DAG1: variants seen among roughly 807,000 people sequenced by gnomAD.
DAG1 encodes dystroglycan 1 (dystrophin-associated glycoprotein 1).
DAG1 carries 8 observed loss-of-function variants against 46.1 expected under a neutral mutation model. That is an observed-to-expected ratio of 0.17 (90% CI 0.10 to 0.31). The LOEUF is 0.31. Among genes scored for constraint, DAG1 ranks in the 10% least tolerant of loss-of-function variants. The pLI, the probability that DAG1 is intolerant of heterozygous loss-of-function variation, is 1.00. For missense variants in DAG1, 1,003 were observed against 1,189.9 expected, an observed-to-expected ratio of 0.84 and a Z score of 2.31; for synonymous variants, 495 against 481.8, an observed-to-expected ratio of 1.03 and a Z score of -0.36.
intron 1 of DAG1, among the ~76,000 whole-genome samples, chr3:49,486,697 T>C (rs1025464275): frequency 6.6e-6 from 1 of 151,816 alleles, no homozygotes; most frequent in Non-Finnish European, 1.5e-5. Flanking sequence ...GAGACAGGGT[T>C]TCACCCTGTT....
At chr3:49,490,040 C>T (rs1293578063) in intron 1 of DAG1, among the ~76,000 whole-genome samples, 2 of 152,184 alleles carry the variant, frequency 1.3e-5, no homozygotes, top group Non-Finnish European at 2.9e-5. Flanking sequence ...GACCCGTGTT[C>T]CTTTCTCTTA....
At chr3:49,471,238 G>T (rs1013051553) in intron 1 of DAG1, among the ~76,000 whole-genome samples, 7 of 152,150 alleles carry the variant, frequency 4.6e-5, no homozygotes, top group African/African-American at 1.4e-4. Context: ...TAAGATTCTA[G>T]CCTGCTGCTT....
chr3:49,486,920 C>G (rs547606535), intron 1 of DAG1, among the ~76,000 whole-genome samples: 1 of 151,974 alleles, frequency 6.6e-6, no homozygotes, highest in Non-Finnish European at 1.5e-5. Context: ...GATTCAGTCT[C>G]GCTCTGTTGC....
chr3:49,505,279 G>T (rs1022418897), intron 1 of DAG1, among the ~76,000 whole-genome samples: 1 of 151,776 alleles, frequency 6.6e-6, no homozygotes, highest in Non-Finnish European at 1.5e-5. Context: ...ACTGCACCCC[G>T]CCCTTATTTT....
chr3:49,473,918 C>T (rs974593803), intron 1 of DAG1, among the ~76,000 whole-genome samples: 14 of 149,326 alleles, frequency 9.4e-5, no homozygotes, highest in Non-Finnish European at 1.6e-4. Context: ...GAGTCTCACT[C>T]TGTTATCCAG....
chr3:49,474,059 T>C (rs537188632), intron 1 of DAG1, among the ~76,000 whole-genome samples: 3 of 151,916 alleles, frequency 2.0e-5, no homozygotes, highest in Non-Finnish European at 2.9e-5. Flanking sequence ...GGCTAATATA[T>C]GTATATATTT....
intron 2 of DAG1, among the ~76,000 whole-genome samples, chr3:49,522,074 G>T (rs1175405719): frequency 6.6e-6 from 1 of 151,286 alleles, no homozygotes; most frequent in Non-Finnish European, 1.5e-5. Flanking sequence ...TTGTCCCCCA[G>T]GCTGGAGTGC....
At chr3:49,491,622 G>A (rs1012436828) in intron 1 of DAG1, among the ~76,000 whole-genome samples, 1 of 151,736 alleles carries the variant, frequency 6.6e-6, no homozygotes, top group African/African-American at 2.4e-5. Flanking sequence ...GACTGCAGGC[G>A]TCCGCCAACA....
intron 1 of DAG1, among the ~76,000 whole-genome samples, chr3:49,508,658 C>T (rs1367044005): frequency 6.6e-6 from 1 of 152,068 alleles, no homozygotes; most frequent in Non-Finnish European, 1.5e-5. Flanking sequence ...CCTTGGCCTC[C>T]CAAAGTGCTA....
At chr3:49,514,438 A>G (rs2050841014) in intron 2 of DAG1, among the ~76,000 whole-genome samples, 1 of 152,132 alleles carries the variant, frequency 6.6e-6, no homozygotes, top group Non-Finnish European at 1.5e-5. Context: ...GTCTTAACAT[A>G]TTAGACAGAC....
intron 1 of DAG1, chr3:49,492,691 T>C (rs1244153648): frequency 6.6e-6 from 1 of 152,146 alleles, no homozygotes; most frequent in Non-Finnish European, 1.5e-5. Context: ...AGATCTTCCA[T>C]CTTATCAAAA....
chr3:49,530,687 A>C, intron 2 of DAG1, 110 bp from the exon 3 acceptor site: 1 of 1,503,204 alleles, frequency 6.7e-7, no homozygotes, highest in East Asian at 2.3e-5. Context: ...CCCAGCAGGC[A>C]TTCTGAATTA....
At chr3:49,528,908 T>A (rs1243430996) in intron 2 of DAG1, among the ~76,000 whole-genome samples, 5 of 151,642 alleles carry the variant, frequency 3.3e-5, no homozygotes, top group Admixed American at 3.3e-4. Context: ...TGGGTTGCAG[T>A]GGCGTGATCT....
chr3:49,517,443 C>T (rs923672679), intron 2 of DAG1, among the ~76,000 whole-genome samples: 3 of 152,138 alleles, frequency 2.0e-5, no homozygotes, highest in Non-Finnish European at 4.4e-5. Flanking sequence ...TGTCTGTTAC[C>T]GTGCCTCTGA....
chr3:49,527,214 A>AC (rs2107849638), intron 2 of DAG1, among the ~76,000 whole-genome samples: 1 of 150,074 alleles, frequency 6.7e-6, no homozygotes, highest in African/African-American at 2.5e-5. Flanking sequence ...ACACAGTGAA[A>AC]CCCCGTCTCT....
intron 1 of DAG1, among the ~76,000 whole-genome samples, chr3:49,505,693 C>A (rs138468226): frequency 6.6e-6 from 1 of 151,698 alleles, no homozygotes; most frequent in African/African-American, 2.4e-5. Flanking sequence ...TTTTTTGAGA[C>A]GGAGTTTCGC....
intron 2 of DAG1, among the ~76,000 whole-genome samples, chr3:49,522,673 C>T (rs1461828533): frequency 1.3e-5 from 2 of 152,106 alleles, no homozygotes; most frequent in Admixed American, 6.6e-5. Context: ...TTGGGATGCA[C>T]TTTGTGGGTC....
chr3:49,513,116 C>G (rs1036501532), intron 2 of DAG1, among the ~76,000 whole-genome samples: 15 of 151,972 alleles, frequency 9.9e-5, no homozygotes, highest in Non-Finnish European at 1.9e-4. Flanking sequence ...AGATAAGGAA[C>G]CTTATCTCTG....
chr3:49,505,374 T>G (rs1234057449), intron 1 of DAG1, among the ~76,000 whole-genome samples: 1 of 152,162 alleles, frequency 6.6e-6, no homozygotes, highest in Non-Finnish European at 1.5e-5. Flanking sequence ...CACAGGTGTA[T>G]GCATAGTTTT....
Sources: allele counts gnomAD v4.1 joint callset (sites outside exome capture counted in the v4.1 genomes callset), GRCh38; gene constraint gnomAD v4.1.1; transcripts MANE v1.5; gene names NCBI Gene and HGNC (gene_info 2026-07-23, HGNC 2026-07-21).